The following EPHA5 variants were observed in gnomAD, a reference collection of about 807,000 sequenced individuals.
EPHA5 encodes the protein EPH receptor A5.
EPHA5 carries 60 observed loss-of-function variants against 105.0 expected under a neutral mutation model. The observed-to-expected ratio is 0.57, with a 90% CI of 0.46 to 0.71. The LOEUF (loss-of-function observed/expected upper bound fraction) is 0.71. Ranked by LOEUF, EPHA5 falls within the 30% of genes least tolerant of loss-of-function variation. EPHA5 has a pLI of 0.00. For synonymous variants in EPHA5, 513 were observed against 449.1 expected, an observed-to-expected ratio of 1.14 and a Z score of -1.80; for missense variants, 1,218 against 1,274.7, an observed-to-expected ratio of 0.96 and a Z score of 0.68.
intron 13 of EPHA5, among the ~76,000 whole-genome samples, chr4:65,348,906 C>T (rs71612717): frequency 0.16 from 23,070 of 145,528 alleles, 2,326 homozygotes; most frequent in Non-Finnish European, 0.22. Flanking sequence ...ACCCCCACCT[C>T]CCAGGTTCAA....
At position 65,638,394 on chromosome 4, in the gene EPHA5, A is replaced by G. The variant is rs191526356; in HGVS notation, c.246+4969T>C. On this transcript the variant is annotated intron_variant, in intron 2 of 16. Coordinates refer to ENST00000613740, the MANE Select transcript of EPHA5 (RefSeq NM_001281766.3). ...AAAACAAAGTAAGTTTTCTGGTAGCATAAGAGAAAAAACAATCTCTAGAAC... is the reference window on the plus strand; with the variant it reads ...AAAACAAAGTAAGTTTTCTGGTAGCGTAAGAGAAAAAACAATCTCTAGAAC... Among the ~76,000 whole-genome samples the G allele has an allele frequency of 1.1e-3, 173 of 152,338 alleles. 1 individual carries two copies. The highest frequency in any genetic ancestry group is 3.8e-3 in the African/African-American group (160 of 41,568).
chr4:65,530,414 TTG>T (rs34792636), intron 3 of EPHA5, among the ~76,000 whole-genome samples: 112,348 of 151,226 alleles, frequency 0.74, 41,779 homozygotes, highest in Admixed American at 0.79. Context: ...AGGTGTACAT[TTG>T]TGTGTGTGTG....
intron 7 of EPHA5, among the ~76,000 whole-genome samples, chr4:65,412,028 A>G (rs931272673): frequency 1.1e-4 from 17 of 152,190 alleles, no homozygotes; most frequent in African/African-American, 4.1e-4. Flanking sequence ...CGGGAGTTTG[A>G]GACCAGACTG....
intron 2 of EPHA5, among the ~76,000 whole-genome samples, chr4:65,609,793 A>T (rs1467612536): frequency 6.6e-6 from 1 of 151,178 alleles, no homozygotes; most frequent in Admixed American, 6.6e-5. Flanking sequence ...AATACACACA[A>T]TTAGAACAGT....
At chr4:65,613,669 C>A (rs1370714582) in intron 2 of EPHA5, among the ~76,000 whole-genome samples, 1 of 151,920 alleles carries the variant, frequency 6.6e-6, no homozygotes, top group African/African-American at 2.4e-5. Context: ...ATGTCTATTG[C>A]AAATTCCTCC....
chr4:65,332,086 C>T lies in EPHA5; in HGVS notation c.2832G>A (p.Gly944=), dbSNP rs7349683. ...LLAEHSPLGS[G]AYRSVGEWLE... is the part of the protein sequence containing the mutation. ...GCCATTCACCTACTGATCTGTAGGC[C>T]CCAGATCCTAGTGGGCTATGTTCTG... is the stretch of plus-strand genomic sequence containing the variant. Residue 944 remains glycine, a synonymous_variant, in exon 16 of 17, where the codon GGG becomes GGA. Coordinates refer to ENST00000613740, the MANE Select transcript of EPHA5 (RefSeq NM_001281766.3). 0.35 allele frequency: 560,367 copies of T among 1,608,188 alleles called. 100,908 individuals carry two copies. Among genetic ancestry groups the T allele is most frequent in the East Asian group, 0.43 (19,437 of 44,716 alleles).
intron 5 of EPHA5, among the ~76,000 whole-genome samples, chr4:65,473,568 G>T (rs1729497832): frequency 6.6e-6 from 1 of 152,080 alleles, no homozygotes; most frequent in Admixed American, 6.6e-5. Context: ...AAAACCATTG[G>T]ATCTCATGAG....
intron 8 of EPHA5, among the ~76,000 whole-genome samples, chr4:65,384,687 G>T (rs1376414): frequency 0.51 from 77,397 of 151,644 alleles, 19,929 homozygotes; most frequent in Admixed American, 0.57. Context: ...CTCTGTGTTT[G>T]TTCTCAGCTG....
chr4:65,567,064 C>T (rs1346862593), intron 3 of EPHA5, among the ~76,000 whole-genome samples: 1 of 151,416 alleles, frequency 6.6e-6, no homozygotes, highest in Non-Finnish European at 1.5e-5. Flanking sequence ...CAAACTCTGA[C>T]GATTAACAGA....
intron 13 of EPHA5, among the ~76,000 whole-genome samples, chr4:65,350,061 C>T (rs1722667714): frequency 6.6e-6 from 1 of 152,080 alleles, no homozygotes; most frequent in South Asian, 2.1e-4. Context: ...CACACTAACA[C>T]AAATCTTGAA....
At chr4:65,559,498 C>T (rs925357417) in intron 3 of EPHA5, among the ~76,000 whole-genome samples, 30 of 152,106 alleles carry the variant, frequency 2.0e-4, no homozygotes, top group African/African-American at 7.0e-4. Flanking sequence ...GGAAAAATTC[C>T]CGAAATCCTT....
rs765636669 is a variant in EPHA5 at position 65,365,689 on chromosome 4, A to ATATATATATATATATATATT, written c.1987+242_1987+243insAATATATATATATATATATA. The stretch of plus-strand genomic sequence containing the variant: ...TATATATATATATATATATATATAT[A>ATATATATATATATATATATT]GTGAAACATTATCTATTTAAAATAT... On this transcript the variant is annotated intron_variant, in intron 10 of 16. Transcript: ENST00000613740. Among the ~76,000 whole-genome samples, 460 of 93,774 alleles carry ATATATATATATATATATATT rather than the reference A, an allele frequency of 4.9e-3. 69 individuals carry two copies. The highest frequency in any genetic ancestry group is 8.9e-3 in the South Asian group (23 of 2,582). 61.5% of individuals were successfully genotyped at this position (93,774 alleles called of 152,430 possible).
intron 3 of EPHA5, among the ~76,000 whole-genome samples, chr4:65,553,941 G>A (rs1309418147): frequency 6.6e-6 from 1 of 151,892 alleles, no homozygotes; most frequent in African/African-American, 2.4e-5. Context: ...ACATTTCTGA[G>A]CAGCTGTACA....
intron 14 of EPHA5, among the ~76,000 whole-genome samples, chr4:65,340,604 A>G (rs1721619706): frequency 2.0e-5 from 3 of 152,094 alleles, no homozygotes; most frequent in African/African-American, 7.2e-5. Flanking sequence ...GGGGGAGGAT[A>G]AGGACCAGGT....
chr4:65,493,680 G>C (rs973331766), intron 4 of EPHA5, among the ~76,000 whole-genome samples: 1 of 151,848 alleles, frequency 6.6e-6, no homozygotes, highest in Non-Finnish European at 1.5e-5. Context: ...CACACACCTG[G>C]AAACTGAGAA....
chr4:65,487,992 T>C (rs1363100195), intron 5 of EPHA5, among the ~76,000 whole-genome samples: 1 of 152,154 alleles, frequency 6.6e-6, no homozygotes, highest in Non-Finnish European at 1.5e-5. Flanking sequence ...GAATCTTATT[T>C]TGATGTTTTG....
In EPHA5 at chr4:65,576,113, G is replaced by GAAAAGAAAAGAAAAGAAAAGA. The variant is rs368323108; in HGVS notation, c.910+25527_910+25528insTCTTTTCTTTTCTTTTCTTTT. Reference sequence around the variant, plus strand: ...GAAAAGAAAAGAAAAGAAAAGAAAAGAAAAAAGAAAAGAAAAGAAAAGAAA... The same window carrying GAAAAGAAAAGAAAAGAAAAGA: ...GAAAAGAAAAGAAAAGAAAAGAAAAGAAAAGAAAAGAAAAGAAAAGAAAAAAAGAAAAGAAAAGAAAAGAAA... On this transcript the variant is annotated intron_variant, in intron 3 of 16. Transcript: ENST00000613740. Among the ~76,000 whole-genome samples the GAAAAGAAAAGAAAAGAAAAGA allele has an allele frequency of 2.2e-3, 78 of 36,116 alleles. 4 individuals carry two copies. Among genetic ancestry groups the GAAAAGAAAAGAAAAGAAAAGA allele is most frequent in the East Asian group, 0.012 (12 of 976 alleles). The allele number at this position is 36,116 out of a possible 152,430, so 23.7% of individuals were successfully genotyped here.
chr4:65,638,891 T>A (rs1052000470), intron 2 of EPHA5, among the ~76,000 whole-genome samples: 1 of 152,222 alleles, frequency 6.6e-6, no homozygotes, highest in Non-Finnish European at 1.5e-5. Flanking sequence ...AACAAATATT[T>A]AAGGCCACTT....
At position 65,490,573 on chromosome 4, in the gene EPHA5, T is replaced by C. The variant is rs1276089048; in HGVS notation, c.1206A>G (p.Ala402=). 6.2e-7 allele frequency: 1 copy of C among 1,614,114 alleles called. No homozygotes were observed. ...GACCGCCACACTCCTCACACACACC[T>C]GCATGGGAGTTGCACTTCTTGCATG... ...YIACKKCNSH[A]GVCEECGGHV... The change falls in exon 5 of 17, where the codon GCA becomes GCG. Residue 402 remains alanine, a synonymous_variant. Transcript: ENST00000613740.
Sources: gnomAD v4.1 joint callset for allele counts (sites outside exome capture counted in the v4.1 genomes callset) on GRCh38, gnomAD v4.1.1 for gene constraint, MANE v1.5 for transcripts, NCBI Gene and HGNC (gene_info 2026-07-23, HGNC 2026-07-21) for gene names.